GRM7: variants seen among roughly 807,000 people sequenced by gnomAD.
GRM7 encodes glutamate metabotropic receptor 7, also known as metabotropic glutamate receptor 7.
In GRM7, 35 loss-of-function variants were observed where a neutral mutation model predicts 84.5. That is an observed-to-expected ratio of 0.41 (90% CI 0.32 to 0.55). The LOEUF (loss-of-function observed/expected upper bound fraction) is 0.55, where lower values mean the gene tolerates loss of function less well. Ranked by LOEUF, GRM7 falls within the 20% of genes least tolerant of loss-of-function variation. The pLI is 0.19. For synonymous variants in GRM7, 487 were observed against 455.1 expected (o/e 1.07, Z -0.89); for missense variants, 1,003 against 1,194.6 (o/e 0.84, Z 2.36).
intron 2 of GRM7, among the ~76,000 whole-genome samples, chr3:7,197,029 G>T (rs567448026): frequency 6.6e-6 from 1 of 152,232 alleles, no homozygotes; most frequent in East Asian, 1.9e-4. Flanking sequence ...ATTAAAGGAG[G>T]TCTTAGAGCT....
chr3:7,137,177 T>A (rs1020668218), intron 1 of GRM7, among the ~76,000 whole-genome samples: 1 of 152,186 alleles, frequency 6.6e-6, no homozygotes, highest in African/African-American at 2.4e-5. Context: ...GTATATGATA[T>A]GTTATTTATG....
chr3:7,475,635 G>GTCA (rs1362871943), intron 7 of GRM7, among the ~76,000 whole-genome samples: 1 of 152,146 alleles, frequency 6.6e-6, no homozygotes, highest in Non-Finnish European at 1.5e-5. Context: ...CACCACTTGA[G>GTCA]GTGATTGTCT....
At position 7,151,438 on chromosome 3, in the gene GRM7, C is replaced by T. The variant is rs114365188; in HGVS notation, c.736+4770C>T. ...AACAACAAACAAACAAACAAACATACAAACAAAAACCAGAGCTAGATGGAT... is the reference window on the plus strand; with the variant it reads ...AACAACAAACAAACAAACAAACATATAAACAAAAACCAGAGCTAGATGGAT... On this transcript the variant is annotated intron_variant, in intron 2 of 9. Transcript: ENST00000357716. The surrounding 1 kb of genome is among the most constrained non-coding windows in gnomAD (Gnocchi z 4.5). Among the ~76,000 whole-genome samples the T allele has an allele frequency of 1.0e-3, 154 of 152,136 alleles. No individual in the cohort carries two copies. Among genetic ancestry groups the T allele is most frequent in the African/African-American group, 3.4e-3 (141 of 41,538 alleles).
chr3:7,533,165 C>G (rs1424180415), intron 7 of GRM7, among the ~76,000 whole-genome samples: 1 of 152,130 alleles, frequency 6.6e-6, no homozygotes, highest in Non-Finnish European at 1.5e-5. Flanking sequence ...ATCTACAGAA[C>G]TCTCCACCCC....
At chr3:6,929,013 C>T (rs532479702) in intron 1 of GRM7, among the ~76,000 whole-genome samples, 66 of 152,136 alleles carry the variant, frequency 4.3e-4, no homozygotes, top group Non-Finnish European at 7.2e-4. Flanking sequence ...ATTCCACCCA[C>T]GACCTGCTTG....
intron 7 of GRM7, among the ~76,000 whole-genome samples, chr3:7,512,575 TTTTG>T (rs1286959083): frequency 8.3e-6 from 1 of 121,032 alleles, no homozygotes. Context: ...TTGTTTATGT[TTTTG>T]TTTTAGATTT....
chr3:7,439,106 C>T (rs1697180758), intron 5 of GRM7, among the ~76,000 whole-genome samples: 1 of 151,998 alleles, frequency 6.6e-6, no homozygotes, highest in Admixed American at 6.6e-5. Flanking sequence ...ATATGGATCC[C>T]AAACCCTGAG....
chr3:7,554,086 G>A (rs181061952), intron 7 of GRM7, among the ~76,000 whole-genome samples: 39 of 152,296 alleles, frequency 2.6e-4, no homozygotes, highest in Admixed American at 7.8e-4. Flanking sequence ...AAGCTATGAC[G>A]AAGCTATGCA....
chr3:7,275,867 C>G (rs2124985568), intron 2 of GRM7, among the ~76,000 whole-genome samples: 1 of 152,144 alleles, frequency 6.6e-6, no homozygotes, highest in African/African-American at 2.4e-5. Flanking sequence ...TAGCAAGGCC[C>G]CCCTGAGTGT....
chr3:7,257,153 C>A (rs1371410674), intron 2 of GRM7, among the ~76,000 whole-genome samples: 1 of 152,074 alleles, frequency 6.6e-6, no homozygotes, highest in Non-Finnish European at 1.5e-5. Context: ...TCCAAGGAGG[C>A]TTTTCAAGTA....
intron 7 of GRM7, among the ~76,000 whole-genome samples, chr3:7,507,587 T>G (rs1236211946): frequency 2.6e-5 from 4 of 152,216 alleles, no homozygotes; most frequent in Non-Finnish European, 5.9e-5. Context: ...AGTCCTCTCT[T>G]AATGCATAGT....
rs111644725 is a variant in GRM7 at position 7,327,995 on chromosome 3, T to C, written c.1033+21343T>C. ...AAAACAACACTTTGAGAGGTGATGA[T>C]TTTGGTCAGGGCTACTAGCTTCCAA... On this transcript the variant is annotated intron_variant, in intron 4 of 9. Transcript: ENST00000357716. Among the ~76,000 whole-genome samples the C allele has an allele frequency of 5.1e-4, 77 of 152,278 alleles. 1 individual carries two copies. The highest frequency in any genetic ancestry group is 1.6e-3 in the African/African-American group (66 of 41,558).
intron 1 of GRM7, among the ~76,000 whole-genome samples, chr3:7,014,093 C>T (rs1291570882): frequency 6.6e-6 from 1 of 152,114 alleles, no homozygotes; most frequent in African/African-American, 2.4e-5. Context: ...ATACTTCTAT[C>T]TTGATGCATG....
rs760464245 is a variant in GRM7 at position 7,057,938 on chromosome 3, G to A, written c.520-88514G>A. Among the ~76,000 whole-genome samples, 10 of 151,996 alleles carry A rather than the reference G, an allele frequency of 6.6e-5. No homozygotes were observed. In the South Asian group the frequency reaches 1.5e-3, roughly 22 times the overall value. ...ATGGATTCATCAGGTATCTAGACAG[G>A]TCATATTTTGTATAATATGTGGTTT... is the stretch of plus-strand genomic sequence containing the variant. On this transcript the variant is annotated intron_variant, in intron 1 of 9. Coordinates refer to ENST00000357716, the MANE Select transcript of GRM7 (RefSeq NM_000844.4).
At chr3:7,503,173 A>G (rs1699934837) in intron 7 of GRM7, among the ~76,000 whole-genome samples, 1 of 152,172 alleles carries the variant, frequency 6.6e-6, no homozygotes, top group South Asian at 2.1e-4. Context: ...CCATATCAGT[A>G]TTTCTGGCAA....
At chr3:7,239,725 G>A (rs1173738933) in intron 2 of GRM7, among the ~76,000 whole-genome samples, 1 of 152,154 alleles carries the variant, frequency 6.6e-6, no homozygotes, top group Admixed American at 6.5e-5. Flanking sequence ...CAAACATTCT[G>A]TTTGATTAAC....
intron 9 of GRM7, among the ~76,000 whole-genome samples, chr3:7,717,729 G>A (rs1469929477): frequency 6.6e-6 from 1 of 152,162 alleles, no homozygotes; most frequent in Non-Finnish European, 1.5e-5. Context: ...ACAGAAATGA[G>A]ATTCTATGCC....
At chr3:7,226,189 C>T (rs1179453904) in intron 2 of GRM7, among the ~76,000 whole-genome samples, 1 of 152,114 alleles carries the variant, frequency 6.6e-6, no homozygotes, top group Non-Finnish European at 1.5e-5. Flanking sequence ...GCACATTTAG[C>T]AACTTAAAAC....
At chr3:7,432,478 G>A (rs945282708) in intron 5 of GRM7, among the ~76,000 whole-genome samples, 2 of 151,716 alleles carry the variant, frequency 1.3e-5, no homozygotes, top group African/African-American at 2.4e-5. Flanking sequence ...GTGCCACCAC[G>A]CCCTGCTAAC....
Sources: gnomAD v4.1 joint callset for allele counts (sites outside exome capture counted in the v4.1 genomes callset) on GRCh38, gnomAD v4.1.1 for gene constraint, Gnocchi (gnomAD v3.1) non-coding constraint, MANE v1.5 for transcripts, NCBI Gene and HGNC (gene_info 2026-07-23, HGNC 2026-07-21) for gene names.